COQ7: variants seen among roughly 807,000 people sequenced by gnomAD.
COQ7 encodes the protein coenzyme Q7, hydroxylase.
A neutral mutation model predicts 25.0 loss-of-function variants in COQ7; 21 were observed. The ratio of observed to expected loss-of-function variants is 0.84; its 90% confidence interval spans 0.60 to 1.21. The LOEUF (loss-of-function observed/expected upper bound fraction) is 1.21. Among genes scored for constraint, COQ7 ranks in the 50% most tolerant of loss-of-function variants. The pLI, the probability that COQ7 is intolerant of heterozygous loss-of-function variation, is 0.00. For synonymous variants in COQ7, 125 were observed against 112.4 expected (o/e 1.11, Z -0.71); for missense variants, 311 against 296.2 (o/e 1.05, Z -0.37).
chr16:19,082,821 A>AG (rs1963118919), downstream of COQ7, among the ~76,000 whole-genome samples: 1 of 20,400 alleles, frequency 4.9e-5, no homozygotes, highest in African/African-American at 7.7e-5. Context: ...CCACAATTTT[A>AG]AAACATGCTA....
At chr16:19,073,715 T>C (rs1194565204) in intron 2 of COQ7, among the ~76,000 whole-genome samples, 1 of 152,170 alleles carries the variant, frequency 6.6e-6, no homozygotes, top group Non-Finnish European at 1.5e-5. Context: ...GATAATAGAC[T>C]GTTTTGTATT....
At chr16:19,081,845 A>T (rs1963104535), downstream of COQ7, among the ~76,000 whole-genome samples, 2 of 152,214 alleles carry the variant, frequency 1.3e-5, no homozygotes, top group South Asian at 4.1e-4. Flanking sequence ...ATTTTAGACT[A>T]ACCCTACTTA....
chr16:19,068,841 A>C (rs1265643549), intron 1 of COQ7: 1 of 451,032 alleles, frequency 2.2e-6, no homozygotes, highest in Non-Finnish European at 4.4e-6. Context: ...CAAAATCCTT[A>C]TGGTGAATGG....
At chr16:19,071,296 C>T (rs1287266724) in intron 1 of COQ7, among the ~76,000 whole-genome samples, 1 of 152,194 alleles carries the variant, frequency 6.6e-6, no homozygotes, top group Non-Finnish European at 1.5e-5. Context: ...CCAACACACC[C>T]AGCTAAATTT....
rs770654508 is a variant in COQ7 at position 19,072,015 on chromosome 16, G to A, written c.161G>A (p.Arg54Gln). 3.3e-5 allele frequency: 54 copies of A among 1,614,214 alleles called. No homozygotes were observed. Among genetic ancestry groups the A allele is most frequent in the Middle Eastern group, 1.6e-4 (1 of 6,062 alleles). Residue 54 changes from arginine (R) to glutamine (Q), a missense_variant, in exon 2 of 6, where the codon CGG becomes CAG. By Grantham distance (43) the Arg-to-Gln change is conservative. Transcript: ENST00000321998. ...CGGGCAGCTGTGGATCGAATAATCC[G>A]GGTGGATCATGCAGGCGAATATGGA... Reference protein sequence around the residue: ...ISRAAVDRIIRVDHAGEYGAN... With the variant: ...ISRAAVDRIIQVDHAGEYGAN...
At chr16:19,068,900 AC>A (rs1321975815) in intron 1 of COQ7, 13 of 315,518 alleles carry the variant, frequency 4.1e-5, no homozygotes, top group South Asian at 8.8e-5. Context: ...TTAAAAAAAA[AC>A]AAACAAATTA....
At position 19,078,284 on chromosome 16, in the gene COQ7, G is replaced by A; in HGVS notation, c.*126G>A. On this transcript the variant is annotated 3_prime_UTR_variant, in exon 6 of 6. Transcript: ENST00000321998. Reference sequence around the variant, plus strand: ...GTGAATTTTGTTAATAAATTATAAGGTTTGTTTTTTTTTTTTTAAACTCTG... The same window carrying A: ...GTGAATTTTGTTAATAAATTATAAGATTTGTTTTTTTTTTTTTAAACTCTG... 1.4e-6 allele frequency: 1 copy of A among 695,248 alleles called. No homozygotes were observed. Among genetic ancestry groups the A allele is most frequent in the Non-Finnish European group, 2.1e-6 (1 of 475,124 alleles). 43.1% of individuals were successfully genotyped at this position (695,248 alleles called of 1,614,324 possible).
intron 3 of COQ7, among the ~76,000 whole-genome samples, chr16:19,075,245 C>T (rs1043300939): frequency 2.7e-5 from 4 of 145,600 alleles, no homozygotes; most frequent in African/African-American, 1.0e-4. Context: ...TTCTGTCACC[C>T]ACGCTGGAGT....
intron 1 of COQ7, chr16:19,068,193 C>T (rs1962339827): frequency 2.0e-6 from 2 of 1,025,564 alleles, no homozygotes. Context: ...CCCCGACCTA[C>T]TTGGTCGGTA....
chr16:19,074,565 C>G (rs750117858), intron 3 of COQ7, among the ~76,000 whole-genome samples: 11 of 151,910 alleles, frequency 7.2e-5, no homozygotes, highest in Non-Finnish European at 1.3e-4. Context: ...CAAACCAGAG[C>G]CAGGGTCTCA....
chr16:19,067,796 C>T (rs1429356051), intron 1 of COQ7, 59 bp downstream of exon 1: 3 of 1,574,292 alleles, frequency 1.9e-6, no homozygotes, highest in Admixed American at 3.8e-5. Flanking sequence ...GGAATTTTCG[C>T]TTGAGGTTTG....
intron 2 of COQ7, 181 bp downstream of exon 2, chr16:19,072,287 A>G: frequency 6.1e-6 from 4 of 658,104 alleles, no homozygotes; most frequent in Non-Finnish European, 1.0e-5. Context: ...TTATGGATAA[A>G]GCACAGAGAG....
intron 5 of COQ7, 55 bp downstream of exon 5, chr16:19,077,429 A>C: frequency 7.0e-7 from 1 of 1,436,622 alleles, no homozygotes; most frequent in South Asian, 1.2e-5. Flanking sequence ...GGGAGGCTGA[A>C]GGGGCAGGAG....
intron 1 of COQ7, among the ~76,000 whole-genome samples, chr16:19,070,640 G>C (rs1962505473): frequency 6.6e-6 from 1 of 152,022 alleles, no homozygotes; most frequent in Non-Finnish European, 1.5e-5. Context: ...AGTCCTAGCT[G>C]CTCTAGAGGC....
intron 4 of COQ7, among the ~76,000 whole-genome samples, chr16:19,077,089 C>A (rs961327787): frequency 2.0e-5 from 3 of 152,212 alleles, no homozygotes; most frequent in Non-Finnish European, 2.9e-5. Context: ...TTTATTGGAA[C>A]ACAAGCACGT....
At chr16:19,077,981 C>T (rs985428045) in intron 5 of COQ7, 100 bp from the exon 6 acceptor site, 1 of 801,166 alleles carries the variant, frequency 1.2e-6, no homozygotes, top group African/African-American at 1.8e-5. Context: ...AGATCTATTT[C>T]TTATCCAGAG....
chr16:19,068,288 A>C, intron 1 of COQ7: 4 of 991,044 alleles, frequency 4.0e-6, no homozygotes, highest in South Asian at 4.4e-5. Flanking sequence ...GGAGCATCGA[A>C]TTTAGAGTAG....
At chr16:19,068,282 C>T in intron 1 of COQ7, 4 of 991,428 alleles carry the variant, frequency 4.0e-6, no homozygotes, top group Non-Finnish European at 4.8e-6. Flanking sequence ...GTGGAAGGAG[C>T]ATCGAATTTA....
chr16:19,076,988 C>T (rs187802149), intron 4 of COQ7, among the ~76,000 whole-genome samples: 1 of 152,228 alleles, frequency 6.6e-6, no homozygotes, highest in African/African-American at 2.4e-5. Context: ...TTTTCCACAG[C>T]AAATAAGGGA....
Sources: gnomAD v4.1 joint callset for allele counts (sites outside exome capture counted in the v4.1 genomes callset) on GRCh38, gnomAD v4.1.1 for gene constraint, MANE v1.5 for transcripts, NCBI Gene and HGNC (gene_info 2026-07-23, HGNC 2026-07-21) for gene names.